Variants in LARGE1 observed in about 807,000 individuals in gnomAD.
The protein encoded by LARGE1 is xylosyl- and glucuronyltransferase LARGE1.
A neutral mutation model predicts 87.6 loss-of-function variants in LARGE1; 43 were observed. That is an observed-to-expected ratio of 0.49 (90% CI 0.38 to 0.63). The LOEUF (loss-of-function observed/expected upper bound fraction) is 0.63. LARGE1 is among the 30% of genes least tolerant of loss of function. The pLI, the probability that LARGE1 is intolerant of heterozygous loss-of-function variation, is 0.00. For missense variants in LARGE1, 802 were observed against 1,000.2 expected (o/e 0.80, Z 2.67); for synonymous variants, 434 against 394.6 (o/e 1.10, Z -1.18).
chr22:33,363,610 G>A (rs2064466060), intron 9 of LARGE1, among the ~76,000 whole-genome samples: 1 of 149,516 alleles, frequency 6.7e-6, no homozygotes, highest in African/African-American at 2.5e-5. Context: ...ACCGTATCAC[G>A]TACCTAACTC....
At chr22:33,500,037 G>T (rs1425200411) in intron 6 of LARGE1, among the ~76,000 whole-genome samples, 1 of 152,154 alleles carries the variant, frequency 6.6e-6, no homozygotes, top group Non-Finnish European at 1.5e-5. Context: ...GCCTCCCAAA[G>T]TGCTGGGATT....
At position 33,233,169 on chromosome 22, in the gene LARGE1, G is replaced by A. The variant is rs1022346305; in HGVS notation, c.1731-66337C>T. 2.0e-5 allele frequency among the ~76,000 whole-genome samples: 3 copies of A among 152,112 alleles called. 1 individual carries two copies. Among genetic ancestry groups the A allele is most frequent in the South Asian group, 4.1e-4 (2 of 4,826 alleles). On this transcript the variant is annotated intron_variant, in intron 11 of 11. Coordinates refer to the LARGE1 transcript ENST00000608642. Reference sequence around the variant, plus strand: ...ATGCAAGGTAGCAAGGAGAAATTTCGAGTAGACTCTGGGGAGAGAGAGAAC... The same window carrying A: ...ATGCAAGGTAGCAAGGAGAAATTTCAAGTAGACTCTGGGGAGAGAGAGAAC...
chr22:33,494,643 A>G (rs739026), intron 6 of LARGE1, among the ~76,000 whole-genome samples: 132,188 of 152,164 alleles, frequency 0.87, 57,496 homozygotes, highest in East Asian at 0.95. Context: ...AACTACCCTA[A>G]CAGGTAGGCA....
chr22:33,066,751 A>G, the LARGE1 span, among the ~76,000 whole-genome samples: 3 of 152,238 alleles, frequency 2.0e-5, no homozygotes, highest in Non-Finnish European at 4.4e-5. Flanking sequence ...CAGCTATTCT[A>G]AGCAGAGGCA....
intron 11 of LARGE1, among the ~76,000 whole-genome samples, chr22:33,259,180 C>T (rs1050931965): frequency 6.6e-6 from 1 of 152,140 alleles, no homozygotes; most frequent in Non-Finnish European, 1.5e-5. Flanking sequence ...ACCCGGCCAA[C>T]TTTATCTTTA....
At chr22:33,594,435 T>TC (rs1433051028) in intron 5 of LARGE1, among the ~76,000 whole-genome samples, 23 of 152,206 alleles carry the variant, frequency 1.5e-4, no homozygotes, top group African/African-American at 4.6e-4. Flanking sequence ...TAGCCTTTTA[T>TC]CCTTTCATAA....
chr22:33,213,017 G>GA (rs140755781), intron 11 of LARGE1, among the ~76,000 whole-genome samples: 10,995 of 123,356 alleles, frequency 0.089, 1,214 homozygotes, highest in African/African-American at 0.27. Context: ...GACTCCGTCT[G>GA]AAAAAAAAAA....
At chr22:33,081,380 C>T in the LARGE1 span, among the ~76,000 whole-genome samples, 43 of 152,140 alleles carry the variant, frequency 2.8e-4, no homozygotes, top group African/African-American at 9.6e-4. Flanking sequence ...CCAGAAGTAA[C>T]CTGTGAGCTA....
intron 6 of LARGE1, among the ~76,000 whole-genome samples, chr22:33,533,391 T>C (rs2076951904): frequency 6.6e-6 from 1 of 152,194 alleles, no homozygotes; most frequent in Non-Finnish European, 1.5e-5. Context: ...CCTTCCTTTT[T>C]TCAATTAGCT....
chr22:33,737,688 T>C (rs1246632727), intron 2 of LARGE1: 1 of 152,050 alleles, frequency 6.6e-6, no homozygotes, highest in Non-Finnish European at 1.5e-5. Context: ...ACGGGGGAAG[T>C]GGGTGGAGCT....
chr22:33,412,086 C>A (rs1218958689), intron 7 of LARGE1, among the ~76,000 whole-genome samples: 1 of 152,142 alleles, frequency 6.6e-6, no homozygotes, highest in East Asian at 1.9e-4. Flanking sequence ...GAGTTCGAGA[C>A]CAGCCTGGCC....
chr22:33,587,818 G>T, intron 5 of LARGE1, among the ~76,000 whole-genome samples: 1 of 149,742 alleles, frequency 6.7e-6, no homozygotes. Context: ...TTCTAGTTTT[G>T]TTTAATGTTT....
chr22:33,243,303 A>G (rs1431694933), intron 11 of LARGE1, among the ~76,000 whole-genome samples: 2 of 152,234 alleles, frequency 1.3e-5, no homozygotes, highest in African/African-American at 4.8e-5. Context: ...GTTTTGACAC[A>G]TGTACACATC....
At chr22:33,601,827 T>C (rs2079121369) in intron 5 of LARGE1, among the ~76,000 whole-genome samples, 1 of 152,188 alleles carries the variant, frequency 6.6e-6, no homozygotes, top group Non-Finnish European at 1.5e-5. Context: ...CCATGAAGTA[T>C]TTATTTCGGA....
chr22:33,721,757 T>C (rs553944382), intron 2 of LARGE1, among the ~76,000 whole-genome samples: 2 of 152,212 alleles, frequency 1.3e-5, no homozygotes, highest in Non-Finnish European at 2.9e-5. Context: ...GACAAAGAAC[T>C]TCTCACAGAA....
chr22:33,512,174 T>C (rs1435403405), intron 6 of LARGE1, among the ~76,000 whole-genome samples: 1 of 152,210 alleles, frequency 6.6e-6, no homozygotes, highest in African/African-American at 2.4e-5. Flanking sequence ...ATATTGTAGA[T>C]TAAGAGAATT....
chr22:33,291,173 T>C (rs1932482784), intron 12 of LARGE1, among the ~76,000 whole-genome samples: 1 of 152,164 alleles, frequency 6.6e-6, no homozygotes, highest in Non-Finnish European at 1.5e-5. Flanking sequence ...CTTAAGTGTC[T>C]AGAAAAATTA....
chr22:33,854,635 A>G (rs956782355), intron 1 of LARGE1, among the ~76,000 whole-genome samples: 11 of 152,146 alleles, frequency 7.2e-5, no homozygotes, highest in Middle Eastern at 3.4e-3. Flanking sequence ...TTACAAAAGC[A>G]GAGTACATCA....
At chr22:33,274,646 G>A (rs370457529) in intron 14 of LARGE1, 22 bp from the exon 15 acceptor site, 5 of 1,609,304 alleles carry the variant, frequency 3.1e-6, no homozygotes, top group Non-Finnish European at 4.3e-6. Flanking sequence ...CAAGAGCAGC[G>A]TGAGAACCCG....
Sources: gnomAD v4.1 joint callset for allele counts (sites outside exome capture counted in the v4.1 genomes callset) on GRCh38, gnomAD v4.1.1 for gene constraint, MANE v1.5 for transcripts, NCBI Gene and HGNC (gene_info 2026-07-23, HGNC 2026-07-21) for gene names.